Variants in UACA observed in about 807,000 individuals in gnomAD.
UACA encodes the protein uveal autoantigen with coiled-coil domains and ankyrin repeats.
UACA carries 112 observed loss-of-function variants against 160.5 expected under a neutral mutation model. The observed-to-expected ratio is 0.70, with a 90% CI of 0.60 to 0.82. The LOEUF (loss-of-function observed/expected upper bound fraction) is 0.82. Ranked by LOEUF, UACA falls within the 40% of genes least tolerant of loss-of-function variation. The probability of loss-of-function intolerance (pLI) is 0.00; values close to 1 mark genes in which losing one functional copy is unlikely to be tolerated. For synonymous variants in UACA, 557 were observed against 568.4 expected (o/e 0.98, Z 0.29); for missense variants, 1,574 against 1,614.6 (o/e 0.97, Z 0.43).
chr15:70,773,601 A>G, the UACA span, among the ~76,000 whole-genome samples: 1 of 152,174 alleles, frequency 6.6e-6, no homozygotes, highest in Non-Finnish European at 1.5e-5. Context: ...CAGTAACAGG[A>G]TAAAGGCAAA....
intron 14 of UACA, 25 bp downstream of exon 14, chr15:70,671,940 T>C: frequency 1.9e-6 from 3 of 1,578,874 alleles, no homozygotes; most frequent in Non-Finnish European, 2.6e-6. Context: ...TGAACTGTAA[T>C]GATAATCCAT....
At chr15:70,672,041 C>T (rs372677839) in intron 13 of UACA, 40 bp from the exon 14 acceptor site, 21 of 1,558,642 alleles carry the variant, frequency 1.3e-5, no homozygotes, top group Non-Finnish European at 1.8e-5. Context: ...GTGAATGCTG[C>T]CTCATTTTGT....
intron 1 of UACA, chr15:70,701,796 A>C: frequency 1.5e-6 from 2 of 1,311,678 alleles, no homozygotes; most frequent in Non-Finnish European, 1.1e-6. Flanking sequence ...AATTAATAAA[A>C]CAGTAGTGCA....
chr15:70,764,641 C>T (rs527847030), upstream of UACA, among the ~76,000 whole-genome samples: 1 of 152,320 alleles, frequency 6.6e-6, no homozygotes, highest in Non-Finnish European at 1.5e-5. Flanking sequence ...TCTTCAAATA[C>T]TGTAAGAAAG....
rs2030893464 is a variant in UACA at position 70,763,336 on chromosome 15, G to A, written c.72C>T (p.Ala24=). 2.3e-6 allele frequency: 3 copies of A among 1,332,754 alleles called. No homozygotes were observed. The highest frequency in any genetic ancestry group is 2.9e-6 in the Non-Finnish European group (3 of 1,036,176). 82.6% of individuals were successfully genotyped at this position (1,332,754 alleles called of 1,614,324 possible). A position where few individuals can be genotyped will look rare whatever the true frequency, so the allele number is the denominator to read the frequency against. The change falls in exon 1 of 19, where the codon GCC becomes GCT. Residue 24 remains alanine, a synonymous_variant. Coordinates refer to ENST00000322954, the MANE Select transcript of UACA (RefSeq NM_018003.4). ...CCCGGACCGCGGGACTCACCGCGCT[G>A]GCGGCGGCGGCGCCAGACGACGCGG... The part of the protein sequence containing the change: ...PGPASSGAAA[A]SAHAADWNKY...
chr15:70,700,405 A>G lies in UACA; in HGVS notation c.79-745T>C, dbSNP rs553312292. The stretch of plus-strand genomic sequence containing the variant: ...AATAAAATAAAACTTTTACATAGAA[A>G]AAACTAAAAATGACAGACTCTAAAG... On this transcript the variant is annotated intron_variant, in intron 1 of 18. Transcript: ENST00000322954. 2.0e-3 allele frequency among the ~76,000 whole-genome samples: 296 copies of G among 151,486 alleles called. 1 individual carries two copies. The highest frequency in any genetic ancestry group is 3.0e-3 in the Non-Finnish European group (201 of 67,752).
chr15:70,704,644 A>G (rs1227260522), intron 1 of UACA, among the ~76,000 whole-genome samples: 1 of 152,226 alleles, frequency 6.6e-6, no homozygotes, highest in Non-Finnish European at 1.5e-5. Flanking sequence ...TAGAGAACCT[A>G]TATGTGTAAA....
chr15:70,700,351 G>A (rs1337802017), intron 1 of UACA, among the ~76,000 whole-genome samples: 2 of 128,384 alleles, frequency 1.6e-5, no homozygotes, highest in African/African-American at 7.1e-5. Flanking sequence ...ATTCTATACA[G>A]AAAGCAATTC....
At chr15:70,766,506 A>T (rs1406526905), upstream of UACA, among the ~76,000 whole-genome samples, 1 of 151,956 alleles carries the variant, frequency 6.6e-6, no homozygotes, top group Non-Finnish European at 1.5e-5. Flanking sequence ...TGCATTTTTT[A>T]AAATTACTTT....
At position 70,668,804 on chromosome 15, in the gene UACA, A is replaced by G; in HGVS notation, c.1880T>C (p.Ile627Thr). Reference sequence around the variant, plus strand: ...CATGTTTTCAAATTTTTCAGCTGGAATGGAAAGGGCCAACTTCGCTGACAA... The same window carrying G: ...CATGTTTTCAAATTTTTCAGCTGGAGTGGAAAGGGCCAACTTCGCTGACAA... Reference protein sequence around the residue: ...KELSAKLALSIPAEKFENMKS... With the variant: ...KELSAKLALSTPAEKFENMKS... Residue 627 changes from isoleucine (I) to threonine (T), a missense_variant, in exon 16 of 19, where the codon ATT (isoleucine) becomes ACT (threonine). Transcript: ENST00000322954. 6.2e-7 allele frequency: 1 copy of G among 1,613,948 alleles called. No individual in the cohort carries two copies.
At chr15:70,660,005 T>C (rs1896645882) in intron 18 of UACA, 146 bp downstream of exon 18, 2 of 642,746 alleles carry the variant, frequency 3.1e-6, no homozygotes, top group East Asian at 3.1e-5. Flanking sequence ...CCACAAACAA[T>C]GATTAAAAGA....
At chr15:70,776,057 A>G in the UACA span, among the ~76,000 whole-genome samples, 1 of 152,200 alleles carries the variant, frequency 6.6e-6, no homozygotes, top group African/African-American at 2.4e-5. Flanking sequence ...GTTTTCTTTC[A>G]GACTTGTCCC....
At chr15:70,747,168 T>A (rs530905649) in intron 1 of UACA, among the ~76,000 whole-genome samples, 96 of 152,004 alleles carry the variant, frequency 6.3e-4, no homozygotes, top group Non-Finnish European at 1.0e-3. Context: ...CACTGTTCCA[T>A]CTCACTTGTG....
chr15:70,657,050 T>C lies in UACA; in HGVS notation c.*6A>G, dbSNP rs201158136. 166 of 1,612,214 alleles carry C rather than the reference T, an allele frequency of 1.0e-4. No homozygotes were observed. The highest frequency in any genetic ancestry group is 3.0e-4 in the South Asian group (27 of 91,060). On this transcript the variant is annotated 3_prime_UTR_variant, in exon 19 of 19. Transcript: ENST00000322954. ...TAAAACAGATACTGGCAGTCAGTGC[T>C]AACGGCTAGCACACAAGCCCCTGCC...
Position 70,763,489 on chromosome 15 carries a change from G to T in UACA, c.-82C>A. The stretch of plus-strand genomic sequence containing the variant: ...CAAGGAGTAGACGGCAGCGGCTGCA[G>T]CAGAGGCGGCGCGGGCTGTACCAGC... On this transcript the variant is annotated 5_prime_UTR_variant, in exon 1 of 19. In the 5' UTR this introduces an upstream ATG that the reference lacks. Transcript: ENST00000322954. 2.4e-6 allele frequency: 3 copies of T among 1,258,672 alleles called. No homozygotes were observed. Among genetic ancestry groups the T allele is most frequent in the Non-Finnish European group, 3.0e-6 (3 of 994,522 alleles). The allele number at this position is 1,258,672 out of a possible 1,614,324, so 78.0% of individuals were successfully genotyped here. A position where few individuals can be genotyped will look rare whatever the true frequency, so the allele number is the denominator to read the frequency against.
chr15:70,684,200 T>TA, intron 8 of UACA, 65 bp downstream of exon 8: 1 of 1,423,448 alleles, frequency 7.0e-7, no homozygotes, highest in Non-Finnish European at 9.6e-7. Context: ...TTCTACTACC[T>TA]AAGTCTTTTA....
intron 17 of UACA, among the ~76,000 whole-genome samples, chr15:70,662,647 C>T (rs1191133873): frequency 6.6e-6 from 1 of 152,192 alleles, no homozygotes; most frequent in Non-Finnish European, 1.5e-5. Flanking sequence ...CAGCATGCTA[C>T]TGGTACCAAA....
At chr15:70,769,343 A>G in the UACA span, among the ~76,000 whole-genome samples, 3 of 150,222 alleles carry the variant, frequency 2.0e-5, no homozygotes, top group African/African-American at 7.3e-5. Flanking sequence ...CGACTCAAAA[A>G]AAAAAAAAAA....
upstream of UACA, among the ~76,000 whole-genome samples, chr15:70,765,373 C>G (rs2030983271): frequency 6.6e-6 from 1 of 152,140 alleles, no homozygotes; most frequent in African/African-American, 2.4e-5. Flanking sequence ...AATATATTCT[C>G]TTTTATGTGT....
Sources: allele counts gnomAD v4.1 joint callset (sites outside exome capture counted in the v4.1 genomes callset), GRCh38; gene constraint gnomAD v4.1.1; transcripts MANE v1.5; gene names NCBI Gene and HGNC (gene_info 2026-07-23, HGNC 2026-07-21).